Variants in TRIM55 observed in about 807,000 individuals in gnomAD.
TRIM55 encodes the protein tripartite motif containing 55, also known as tripartite motif-containing protein 55.
In TRIM55, 50 loss-of-function variants were observed where a neutral mutation model predicts 60.9. That is an observed-to-expected ratio of 0.82 (90% CI 0.65 to 1.04). The LOEUF (loss-of-function observed/expected upper bound fraction) is 1.04, where lower values mean the gene tolerates loss of function less well. Among genes scored for constraint, TRIM55 ranks in the 50% least tolerant of loss-of-function variants. The pLI is 0.00. For synonymous variants in TRIM55, 237 were observed against 238.1 expected (o/e 1.00, Z 0.04); for missense variants, 681 against 666.9 (o/e 1.02, Z -0.23).
intron 9 of TRIM55, among the ~76,000 whole-genome samples, chr8:66,162,479 T>A (rs1216752645): frequency 6.6e-6 from 1 of 152,104 alleles, no homozygotes; most frequent in Non-Finnish European, 1.5e-5. Flanking sequence ...TCTGTAGTTT[T>A]TTTTTTTTGT....
intron 9 of TRIM55, among the ~76,000 whole-genome samples, chr8:66,174,103 T>C (rs1402759861): frequency 6.6e-6 from 1 of 151,958 alleles, no homozygotes; most frequent in African/African-American, 2.4e-5. Context: ...TCTGCAACCC[T>C]TTCTAAACCC....
Position 66,159,237 on chromosome 8 carries a change from G to T in TRIM55, c.1524+4903G>T, listed in dbSNP as rs149346978. On this transcript the variant is annotated intron_variant, in intron 9 of 9. Coordinates refer to ENST00000315962, the MANE Select transcript of TRIM55 (RefSeq NM_184085.2). ...CTGGCAACCACTGATGTGTTTGATT[G>T]TCATTGTAGTTCTGCCAGTTCCAAA... 5.0e-3 allele frequency among the ~76,000 whole-genome samples: 768 copies of T among 152,278 alleles called. 8 individuals are homozygous for T. The highest frequency in any genetic ancestry group is 0.018 in the African/African-American group (749 of 41,564).
the TRIM55 span, chr8:66,113,563 C>G: frequency 2.2e-6 from 1 of 456,208 alleles, no homozygotes; most frequent in African/African-American, 2.0e-5. Context: ...AAGTCTAGCG[C>G]TTTCTCCCCA....
the TRIM55 span, among the ~76,000 whole-genome samples, chr8:66,114,219 C>T: frequency 5.3e-5 from 8 of 152,168 alleles, no homozygotes; most frequent in East Asian, 1.9e-4. Context: ...AGAGCGCTCG[C>T]TTAGCATGCG....
At chr8:66,153,058 A>C (rs1480080649) in intron 8 of TRIM55, among the ~76,000 whole-genome samples, 1 of 152,114 alleles carries the variant, frequency 6.6e-6, no homozygotes, top group Non-Finnish European at 1.5e-5. Context: ...AATAAATAGC[A>C]TACAGAGTAA....
intron 2 of TRIM55, among the ~76,000 whole-genome samples, chr8:66,133,209 C>T (rs1586175706): frequency 6.6e-6 from 1 of 152,292 alleles, no homozygotes; most frequent in Middle Eastern, 3.4e-3. Flanking sequence ...TCAGGAGTGC[C>T]AGGTGATCCC....
chr8:66,161,858 G>A (rs1293135301), intron 9 of TRIM55, among the ~76,000 whole-genome samples: 1 of 150,710 alleles, frequency 6.6e-6, no homozygotes, highest in African/African-American at 2.4e-5. Flanking sequence ...ACTGATTTGT[G>A]TATGTTAATT....
chr8:66,152,415 G>GA lies in TRIM55; in HGVS notation c.1029dup (p.Glu344ArgfsTer28). 1 of 1,610,928 alleles carries GA rather than the reference G, an allele frequency of 6.2e-7. No homozygotes were observed. Among genetic ancestry groups the GA allele is most frequent in the Non-Finnish European group, 8.5e-7 (1 of 1,178,110 alleles). On this transcript the variant is annotated frameshift_variant, in exon 8 of 10. Coordinates refer to ENST00000315962, the MANE Select transcript of TRIM55 (RefSeq NM_184085.2). LOFTEE classifies it high-confidence loss of function. ...AGAAGAAGAAGAAGGCGGAGAAGGAGAAAAAGAAGGAGAAGGAGAAGTGGG... is the reference window on the plus strand; with the variant it reads ...AGAAGAAGAAGAAGGCGGAGAAGGAGAAAAAAGAAGGAGAAGGAGAAGTGGG...
the TRIM55 span, among the ~76,000 whole-genome samples, chr8:66,113,906 G>A: frequency 6.6e-6 from 1 of 151,798 alleles, no homozygotes; most frequent in Admixed American, 6.6e-5. Context: ...CAGAAAGAGA[G>A]AACACAATAC....
intron 4 of TRIM55, among the ~76,000 whole-genome samples, chr8:66,149,012 G>A (rs148747884): frequency 1.1e-3 from 173 of 152,322 alleles, no homozygotes; most frequent in African/African-American, 3.5e-3. Context: ...TCACACCACT[G>A]TACTCTAGCG....
chr8:66,125,950 T>C (rs1384071221), upstream of TRIM55, among the ~76,000 whole-genome samples: 1 of 152,250 alleles, frequency 6.6e-6, no homozygotes, highest in African/African-American at 2.4e-5. Flanking sequence ...GGATTTCTTT[T>C]TTATTTTTGA....
At chr8:66,161,662 C>T (rs1413792064) in intron 9 of TRIM55, among the ~76,000 whole-genome samples, 1 of 151,278 alleles carries the variant, frequency 6.6e-6, no homozygotes, top group Non-Finnish European at 1.5e-5. Flanking sequence ...GATGTGTTTC[C>T]ATTTGTTTGT....
At chr8:66,120,609 C>G in the TRIM55 span, among the ~76,000 whole-genome samples, 1 of 152,140 alleles carries the variant, frequency 6.6e-6, no homozygotes, top group African/African-American at 2.4e-5. Context: ...CACAGAAGCT[C>G]GGGTGACCTT....
At chr8:66,118,264 T>G in the TRIM55 span, among the ~76,000 whole-genome samples, 2 of 148,584 alleles carry the variant, frequency 1.3e-5, no homozygotes, top group Non-Finnish European at 3.0e-5. Flanking sequence ...TATGATGAAG[T>G]AAAATTTATA....
At chr8:66,120,916 A>G in the TRIM55 span, among the ~76,000 whole-genome samples, 1 of 152,194 alleles carries the variant, frequency 6.6e-6, no homozygotes, top group East Asian at 1.9e-4. Flanking sequence ...TGGGAACCCC[A>G]GAGTTTGCTG....
intron 4 of TRIM55, among the ~76,000 whole-genome samples, chr8:66,149,308 A>G (rs1050780938): frequency 1.3e-5 from 2 of 152,226 alleles, no homozygotes; most frequent in Admixed American, 6.5e-5. Context: ...CCAAAGCAAA[A>G]TATAACCTAT....
rs1554528462 is a variant in TRIM55, at chr8:66,147,813, A to AAAAAAAC, written c.604-1828_604-1827insAACAAAA. Among the ~76,000 whole-genome samples, 23 of 144,530 alleles carry AAAAAAAC rather than the reference A, an allele frequency of 1.6e-4. 1 individual carries two copies. The highest frequency in any genetic ancestry group is 3.5e-4 in the African/African-American group (13 of 36,982). The allele number at this position is 144,530 out of a possible 152,430, so 94.8% of individuals were successfully genotyped here. On this transcript the variant is annotated intron_variant, in intron 4 of 9. Transcript: ENST00000315962. ...CCATCTCAAAAAAAAAAAAAAAAAA[A>AAAAAAAC]AAAACCACAAAATCTATTCAACAGA...
chr8:66,127,752 T>C (rs1808896555), intron 1 of TRIM55, among the ~76,000 whole-genome samples: 1 of 152,104 alleles, frequency 6.6e-6, no homozygotes, highest in Admixed American at 6.5e-5. Flanking sequence ...GGAGAATTGC[T>C]TGAACCCAGG....
intron 9 of TRIM55, among the ~76,000 whole-genome samples, chr8:66,170,566 A>G (rs1404514633): frequency 6.6e-6 from 1 of 152,184 alleles, no homozygotes; most frequent in Non-Finnish European, 1.5e-5. Context: ...TTCTGTGAAC[A>G]TGGCAAGTAT....
Sources: gnomAD v4.1 joint callset for allele counts (sites outside exome capture counted in the v4.1 genomes callset) on GRCh38, gnomAD v4.1.1 for gene constraint, MANE v1.5 for transcripts, NCBI Gene and HGNC (gene_info 2026-07-23, HGNC 2026-07-21) for gene names.